The following PAN3 variants were observed in gnomAD, a reference collection of about 807,000 sequenced individuals.
PAN3 encodes PAN2-PAN3 deadenylation complex subunit PAN3.
In PAN3, 19 loss-of-function variants were observed where a neutral mutation model predicts 96.2. The observed-to-expected ratio is 0.20, with a 90% CI of 0.14 to 0.29. PAN3 has a LOEUF of 0.29. Among genes scored for constraint, PAN3 ranks in the 10% least tolerant of loss-of-function variants. The pLI, the probability that PAN3 is intolerant of heterozygous loss-of-function variation, is 1.00. For synonymous variants in PAN3, 433 were observed against 406.6 expected (o/e 1.06, Z -0.78); for missense variants, 882 against 1,108.1 (o/e 0.80, Z 2.90).
intron 17 of PAN3, among the ~76,000 whole-genome samples, chr13:28,285,718 A>C (rs1868893969): frequency 6.6e-6 from 1 of 152,008 alleles, no homozygotes; most frequent in Non-Finnish European, 1.5e-5. Context: ...CTGGGCAGTT[A>C]TCTCAACTGC....
upstream of PAN3, chr13:28,138,405 C>T: frequency 4.2e-6 from 1 of 239,136 alleles, no homozygotes; most frequent in Non-Finnish European, 8.0e-6. Flanking sequence ...CCGCGCGGCC[C>T]CTTTAAGAAA....
At position 28,139,073 on chromosome 13, in the gene PAN3, G is replaced by T. The variant is rs1449768197; in HGVS notation, c.416G>T (p.Gly139Val). The T allele has an allele frequency of 9.5e-6, 12 of 1,269,408 alleles. No homozygotes were observed. Among genetic ancestry groups the T allele is most frequent in the South Asian group, 2.7e-5 (1 of 37,124 alleles). The allele number at this position is 1,269,408 out of a possible 1,614,324, so 78.6% of individuals were successfully genotyped here. The change falls in exon 1 of 19, where the codon GGA becomes GTA. Residue 139 changes from glycine to valine, a missense_variant. Around this residue, in one of 3 missense-constraint regions of PAN3, gnomAD observed 442 missense variants for 422.8 expected, o/e 1.05. Coordinates refer to ENST00000380958, the MANE Select transcript of PAN3 (RefSeq NM_175854.8). ...GGAGGCAGTAGCGGGGGACTCGATG[G>T]ACCGCGGCTGGCAAGTGAGTGTTTT... The part of the protein sequence containing the change: ...GGGGSSGGLD[G>V]PRLAIPGMDG...
chr13:28,195,866 GA>G (rs1393885130), intron 4 of PAN3, among the ~76,000 whole-genome samples: 1 of 152,002 alleles, frequency 6.6e-6, no homozygotes, highest in Non-Finnish European at 1.5e-5. Context: ...CAGTATAGCA[GA>G]TGCACACTTG....
chr13:28,154,705 A>G (rs1871865460), intron 1 of PAN3, among the ~76,000 whole-genome samples: 1 of 151,738 alleles, frequency 6.6e-6, no homozygotes, highest in Non-Finnish European at 1.5e-5. Flanking sequence ...CATGTTAGCC[A>G]GGCTGGTCTC....
At chr13:28,256,256 T>C in intron 6 of PAN3, 36 bp from the exon 7 acceptor site, 1 of 1,586,548 alleles carries the variant, frequency 6.3e-7, no homozygotes, top group Non-Finnish European at 8.6e-7. Context: ...AAACCAATTA[T>C]TGCTCCATTA....
chr13:28,241,831 C>T (rs2138505479), intron 6 of PAN3, among the ~76,000 whole-genome samples: 1 of 152,214 alleles, frequency 6.6e-6, no homozygotes, highest in South Asian at 2.1e-4. Context: ...TGATTTTTCT[C>T]ATGGCAAAAG....
At chr13:28,189,061 C>T (rs943362956) in intron 4 of PAN3, among the ~76,000 whole-genome samples, 1 of 152,128 alleles carries the variant, frequency 6.6e-6, no homozygotes, top group African/African-American at 2.4e-5. Context: ...CCTAAAATTA[C>T]CTTCTGTTCT....
intron 18 of PAN3, among the ~76,000 whole-genome samples, chr13:28,292,028 A>G (rs540172024): frequency 9.2e-5 from 14 of 152,222 alleles, no homozygotes; most frequent in African/African-American, 3.4e-4. Flanking sequence ...TCCTAAGGAA[A>G]AAGTACTTCC....
intron 6 of PAN3, chr13:28,239,475 G>T: frequency 2.0e-6 from 1 of 492,460 alleles, no homozygotes; most frequent in Non-Finnish European, 3.3e-6. Context: ...TTGAAAGGAA[G>T]TTGAACTATT....
intron 1 of PAN3, among the ~76,000 whole-genome samples, chr13:28,160,943 A>G (rs1297330684): frequency 1.3e-5 from 2 of 152,196 alleles, no homozygotes; most frequent in African/African-American, 2.4e-5. Context: ...ATGGTGTTCA[A>G]TGTTCTTTAT....
intron 4 of PAN3, among the ~76,000 whole-genome samples, chr13:28,193,756 A>AC (rs1555276289): frequency 0.05 from 7,389 of 146,474 alleles, 266 homozygotes; most frequent in South Asian, 0.14. Flanking sequence ...AAAAAAAAAA[A>AC]CCCAAGAAAC....
At chr13:28,288,657 C>T in intron 18 of PAN3, among the ~76,000 whole-genome samples, 1 of 152,110 alleles carries the variant, frequency 6.6e-6, no homozygotes, top group East Asian at 1.9e-4. Context: ...CACAAAATGA[C>T]TGCTTCCCTC....
At chr13:28,274,186 C>T (rs978419621) in intron 14 of PAN3, among the ~76,000 whole-genome samples, 1 of 152,150 alleles carries the variant, frequency 6.6e-6, no homozygotes, top group African/African-American at 2.4e-5. Context: ...CCCCCAGCAG[C>T]ATCATTCTGT....
At chr13:28,156,610 C>T (rs1392215695) in intron 1 of PAN3, among the ~76,000 whole-genome samples, 1 of 152,104 alleles carries the variant, frequency 6.6e-6, no homozygotes, top group Non-Finnish European at 1.5e-5. Context: ...CAACAAAAAA[C>T]GAAAACTTCA....
chr13:28,139,126 G>C, intron 1 of PAN3, 39 bp downstream of exon 1: 1 of 1,269,644 alleles, frequency 7.9e-7, no homozygotes, highest in Non-Finnish European at 9.9e-7. Flanking sequence ...CGGCGGCGGA[G>C]GGCAGGCCTG....
Position 28,172,696 on chromosome 13 carries a change from A to G in PAN3, c.431-1576A>G, listed in dbSNP as rs188623811. Among the ~76,000 whole-genome samples the G allele has an allele frequency of 2.2e-4, 34 of 152,260 alleles. No individual in the cohort carries two copies. In the East Asian group the frequency reaches 3.1e-3, roughly 14 times the overall value. On this transcript the variant is annotated intron_variant, in intron 1 of 18. Transcript: ENST00000380958. ...TGAATTATTTCATAGTAGTTTTTCT[A>G]TGGATTTACTTAATCATTCTTCTGT...
chr13:28,293,401 T>TG lies in PAN3; in HGVS notation c.*879_*880insG, dbSNP rs1566269286. 5.7e-5 allele frequency: 8 copies of TG among 141,220 alleles called. No individual in the cohort carries two copies. Among genetic ancestry groups the TG allele is most frequent in the African/African-American group, 2.1e-4 (8 of 37,530 alleles). The allele number at this position is 141,220 out of a possible 1,614,324, so 8.7% of individuals were successfully genotyped here. On this transcript the variant is annotated 3_prime_UTR_variant, in exon 19 of 19. Transcript: ENST00000380958. ...CCAGTTTGCTGGTTTTTTTTTTTTT[T>TG]TTTTTTTTTTTTTTTGGGCGGGGGG...
intron 6 of PAN3, among the ~76,000 whole-genome samples, chr13:28,236,162 A>G (rs1041098674): frequency 1.3e-5 from 2 of 152,194 alleles, no homozygotes; most frequent in Non-Finnish European, 2.9e-5. Flanking sequence ...AAGCATTTTA[A>G]TGAGCTTTAT....
Position 28,139,345 on chromosome 13 carries a change from G to C in PAN3, c.430+258G>C, listed in dbSNP as rs566732917. Reference sequence around the variant, plus strand: ...GTGGGAGGACTGGGGTGATGTGAAGGGGGGGCGGGGAGGAAGGGGGATGGG... The same window carrying C: ...GTGGGAGGACTGGGGTGATGTGAAGCGGGGGCGGGGAGGAAGGGGGATGGG... On this transcript the variant is annotated intron_variant, in intron 1 of 18. Coordinates refer to ENST00000380958, the MANE Select transcript of PAN3 (RefSeq NM_175854.8). 5.8e-4 allele frequency among the ~76,000 whole-genome samples: 87 copies of C among 150,840 alleles called. 1 individual carries two copies. Among genetic ancestry groups the C allele is most frequent in the Non-Finnish European group, 9.0e-4 (61 of 67,596 alleles).
Sources: gnomAD v4.1 joint callset for allele counts (sites outside exome capture counted in the v4.1 genomes callset) on GRCh38, gnomAD v4.1.1 for gene constraint, gnomAD v4.1.1 regional missense constraint, MANE v1.5 for transcripts, NCBI Gene and HGNC (gene_info 2026-07-23, HGNC 2026-07-21) for gene names.